ADAMTSL3: variants seen among roughly 807,000 people sequenced by gnomAD.
The protein encoded by ADAMTSL3 is ADAMTS-like protein 3.
In ADAMTSL3, 128 loss-of-function variants were observed where a neutral mutation model predicts 201.7. The observed-to-expected ratio is 0.63, with a 90% CI of 0.55 to 0.73. ADAMTSL3 has a LOEUF of 0.73. Ranked by LOEUF, ADAMTSL3 falls within the 30% of genes least tolerant of loss-of-function variation. The pLI, the probability that ADAMTSL3 is intolerant of heterozygous loss-of-function variation, is 0.00. For missense variants in ADAMTSL3, 1,990 were observed against 2,119.6 expected (o/e 0.94, Z 1.20); for synonymous variants, 738 against 748.4 (o/e 0.99, Z 0.23).
intron 2 of ADAMTSL3, among the ~76,000 whole-genome samples, chr15:83,696,140 C>G (rs1266190255): frequency 6.6e-6 from 1 of 152,178 alleles, no homozygotes; most frequent in Non-Finnish European, 1.5e-5. Flanking sequence ...CTGGAAGATA[C>G]GCTTCCTGAC....
chr15:83,762,889 TTC>T, intron 3 of ADAMTSL3, among the ~76,000 whole-genome samples: 1 of 64,130 alleles, frequency 1.6e-5, no homozygotes, highest in Non-Finnish European at 2.6e-5. Context: ...TTTGATTTAC[TTC>T]TTTTTTTTTT....
At chr15:83,918,534 C>T (rs553271140) in intron 16 of ADAMTSL3, among the ~76,000 whole-genome samples, 7 of 152,152 alleles carry the variant, frequency 4.6e-5, no homozygotes, top group Non-Finnish European at 7.4e-5. Flanking sequence ...GGGTGGCACA[C>T]GGATAATTTC....
At chr15:83,801,322 G>A (rs1196227872) in intron 4 of ADAMTSL3, among the ~76,000 whole-genome samples, 1 of 151,814 alleles carries the variant, frequency 6.6e-6, no homozygotes, top group Non-Finnish European at 1.5e-5. Context: ...ACTCCAAAAT[G>A]TCCTTCTCCC....
intron 14 of ADAMTSL3, among the ~76,000 whole-genome samples, chr15:83,898,615 T>C (rs555297172): frequency 1.3e-5 from 2 of 152,262 alleles, no homozygotes; most frequent in South Asian, 2.1e-4. Flanking sequence ...AGAGCAGAAA[T>C]GGGTAGCATC....
intron 4 of ADAMTSL3, among the ~76,000 whole-genome samples, chr15:83,787,327 A>G (rs757296477): frequency 2.0e-4 from 31 of 152,168 alleles, no homozygotes; most frequent in Non-Finnish European, 1.5e-4. Flanking sequence ...CCACATGATT[A>G]TTGATGTATG....
In ADAMTSL3 at chr15:83,760,881, C is replaced by G. The variant is rs112002961; in HGVS notation, c.190-12642C>G. 3.2e-3 allele frequency among the ~76,000 whole-genome samples: 486 copies of G among 152,158 alleles called. 1 individual carries two copies. Among genetic ancestry groups the G allele is most frequent in the Non-Finnish European group, 4.0e-3 (274 of 67,958 alleles). On this transcript the variant is annotated intron_variant, in intron 3 of 29. Transcript: ENST00000286744. ...ATATTTAAGGAATGTCTCTTTTAAA[C>G]AGAATATAACTGAATTTTTAAATTT...
chr15:83,848,698 C>A (rs921887088), intron 7 of ADAMTSL3, among the ~76,000 whole-genome samples: 2 of 152,192 alleles, frequency 1.3e-5, no homozygotes, highest in Admixed American at 6.5e-5. Context: ...TGATCTTGGG[C>A]AAGTCACTTT....
chr15:83,659,595 G>A (rs2061136060), intron 2 of ADAMTSL3, among the ~76,000 whole-genome samples: 1 of 152,114 alleles, frequency 6.6e-6, no homozygotes, highest in Admixed American at 6.5e-5. Context: ...GATGTCCTTG[G>A]GATATGTGGT....
At chr15:83,747,074 A>G (rs2062558877) in intron 3 of ADAMTSL3, among the ~76,000 whole-genome samples, 1 of 152,170 alleles carries the variant, frequency 6.6e-6, no homozygotes, top group Non-Finnish European at 1.5e-5. Context: ...TGCCAAGACT[A>G]ATAGAAGTGA....
intron 10 of ADAMTSL3, among the ~76,000 whole-genome samples, chr15:83,887,153 C>T (rs1225754509): frequency 6.6e-6 from 1 of 152,176 alleles, no homozygotes; most frequent in Admixed American, 6.5e-5. Context: ...GTGGCTCATC[C>T]TCCAGGAGAT....
Position 83,891,343 on chromosome 15 carries a change from AGATAATGCCCTAT to A in ADAMTSL3, c.1229_1241del (p.Ile410ThrfsTer33), listed in dbSNP as rs2065495331. The A allele has an allele frequency of 6.2e-7, 1 of 1,611,972 alleles. No homozygotes were observed. The highest frequency in any genetic ancestry group is 8.5e-7 in the Non-Finnish European group (1 of 1,178,318). Reference sequence around the variant, plus strand: ...TTCATTTGTAGTGATGGATTTAAAGAGATAATGCCCTATGACCACTTCCAACCTCTTCCTCGGT... The same window carrying A: ...TTCATTTGTAGTGATGGATTTAAAGAGACCACTTCCAACCTCTTCCTCGGT... On this transcript the variant is annotated frameshift_variant, in exon 12 of 30. Coordinates refer to ENST00000286744, the MANE Select transcript of ADAMTSL3 (RefSeq NM_207517.3). LOFTEE classifies it high-confidence loss of function.
In ADAMTSL3 at chr15:83,837,937, A is replaced by G. The variant is rs967524389; in HGVS notation, c.601-152A>G. On this transcript the variant is annotated intron_variant, in intron 6 of 29. Coordinates refer to ENST00000286744, the MANE Select transcript of ADAMTSL3 (RefSeq NM_207517.3). ...TATAAATGATACTATCCTGTAAGACATTATATTATTTAGATTTATAAAACT... is the reference window on the plus strand; with the variant it reads ...TATAAATGATACTATCCTGTAAGACGTTATATTATTTAGATTTATAAAACT... 5.6e-6 allele frequency: 5 copies of G among 898,882 alleles called. No individual in the cohort carries two copies. The African/African-American group carries it at 8.6e-5, about 15-fold the overall frequency. 55.7% of individuals were successfully genotyped at this position (898,882 alleles called of 1,614,324 possible).
At chr15:83,674,498 C>T (rs1377368746) in intron 2 of ADAMTSL3, among the ~76,000 whole-genome samples, 1 of 151,778 alleles carries the variant, frequency 6.6e-6, no homozygotes, top group Non-Finnish European at 1.5e-5. Context: ...CCTACTGTGT[C>T]ACACTATCTT....
chr15:83,835,836 T>C (rs1476236422), intron 6 of ADAMTSL3, among the ~76,000 whole-genome samples: 2 of 152,252 alleles, frequency 1.3e-5, no homozygotes, highest in Non-Finnish European at 2.9e-5. Context: ...GTCTATCTGC[T>C]GATACTTAAG....
chr15:83,663,079 C>T (rs1055005771), intron 2 of ADAMTSL3, among the ~76,000 whole-genome samples: 4 of 152,110 alleles, frequency 2.6e-5, no homozygotes, highest in East Asian at 3.9e-4. Flanking sequence ...AACCCAGCTC[C>T]CTTTGGTGTA....
intron 4 of ADAMTSL3, among the ~76,000 whole-genome samples, chr15:83,785,727 C>T (rs569453604): frequency 2.4e-4 from 37 of 151,882 alleles, no homozygotes; most frequent in Non-Finnish European, 4.7e-4. Flanking sequence ...TTGGCTTTTT[C>T]TTCATGAATA....
At chr15:83,756,797 C>G (rs968981850) in intron 3 of ADAMTSL3, among the ~76,000 whole-genome samples, 2 of 152,170 alleles carry the variant, frequency 1.3e-5, no homozygotes, top group Non-Finnish European at 2.9e-5. Flanking sequence ...AATGGGGGAA[C>G]AGGAATTGGG....
rs1243535211 is a variant in ADAMTSL3 at position 83,719,667 on chromosome 15, A to G, written c.189+15159A>G. On this transcript the variant is annotated intron_variant, in intron 3 of 29. Coordinates refer to ENST00000286744, the MANE Select transcript of ADAMTSL3 (RefSeq NM_207517.3). Reference sequence around the variant, plus strand: ...GGGTTGCTGATTGTGGGGCTGGGCTATGGGTACTTGGGGTTCATTAGACTT... The same window carrying G: ...GGGTTGCTGATTGTGGGGCTGGGCTGTGGGTACTTGGGGTTCATTAGACTT... 9.2e-5 allele frequency among the ~76,000 whole-genome samples: 14 copies of G among 152,294 alleles called. No individual in the cohort carries two copies. The East Asian group carries it at 2.5e-3, about 27-fold the overall frequency.
chr15:84,025,337 G>A lies in ADAMTSL3; in HGVS notation c.4557G>A (p.Val1519=), dbSNP rs974559992. The change falls in exon 27 of 30, where the codon GTG becomes GTA. Residue 1519 remains valine (V), a synonymous_variant. Transcript: ENST00000286744. ...TCKRTKANGT[V]QVVSPRACAP... ...AGCGGACAAAAGCCAATGGAACTGT[G>A]CAGGTGGTGTCTCCAAGAGCATGTG... The A allele has an allele frequency of 1.4e-5, 23 of 1,614,066 alleles. No individual in the cohort carries two copies. The highest frequency in any genetic ancestry group is 1.6e-4 in the Middle Eastern group (1 of 6,084).
Sources: gnomAD v4.1 joint callset for allele counts (sites outside exome capture counted in the v4.1 genomes callset) on GRCh38, gnomAD v4.1.1 for gene constraint, MANE v1.5 for transcripts, NCBI Gene and HGNC (gene_info 2026-07-23, HGNC 2026-07-21) for gene names.